Variants in AASDH observed in about 807,000 individuals in gnomAD.
AASDH encodes the protein aminoadipate-semialdehyde dehydrogenase, also known as beta-alanine-activating enzyme.
Under a neutral mutation model 102.3 loss-of-function variants are expected in AASDH, and 81 were observed. The observed-to-expected ratio is 0.79, with a 90% CI of 0.66 to 0.95. The LOEUF is 0.95. Among genes scored for constraint, AASDH ranks in the 40% least tolerant of loss-of-function variants. The pLI, the probability that AASDH is intolerant of heterozygous loss-of-function variation, is 0.00. For synonymous variants in AASDH, 398 were observed against 454.0 expected, an observed-to-expected ratio of 0.88 and a Z score of 1.57; for missense variants, 1,203 against 1,266.2, an observed-to-expected ratio of 0.95 and a Z score of 0.76.
At chr4:56,381,557 C>G (rs1752945301) in intron 3 of AASDH, among the ~76,000 whole-genome samples, 1 of 150,866 alleles carries the variant, frequency 6.6e-6, no homozygotes, top group East Asian at 1.9e-4. Context: ...TGCACTTCAG[C>G]CTGGGTAACA....
At chr4:56,341,389 C>CTTTTATTTTTTTTTT (rs1747660522) in intron 14 of AASDH, among the ~76,000 whole-genome samples, 1 of 92,416 alleles carries the variant, frequency 1.1e-5, no homozygotes, top group African/African-American at 4.3e-5. Context: ...AGACTTTTAT[C>CTTTTATTTTTTTTTT]TTTTTTTTTT....
chr4:56,361,838 GGC>G (rs1363029016), intron 5 of AASDH, among the ~76,000 whole-genome samples: 2 of 152,080 alleles, frequency 1.3e-5, no homozygotes, highest in African/African-American at 4.8e-5. Context: ...CAGGCATGAT[GGC>G]ATGCACCTGT....
chr4:56,349,655 A>T lies in AASDH; in HGVS notation c.2096T>A (p.Leu699Ter), dbSNP rs765921299. The change falls in exon 11 of 15, where the codon TTA (leucine) becomes TAA (stop). Residue 699 changes from leucine to a stop codon, truncating the protein, a stop_gained. Coordinates refer to ENST00000205214, the MANE Select transcript of AASDH (RefSeq NM_181806.4). LOFTEE classifies it high-confidence loss of function. ...SLNSTRFLTK[L>*]GHCSSACPSD... Reference sequence around the variant, plus strand: ...AGGACAGGCTGAAGAGCAATGTCCTAACTTTGTTAAAAACCTAGTGGAATT... The same window carrying T: ...AGGACAGGCTGAAGAGCAATGTCCTTACTTTGTTAAAAACCTAGTGGAATT... 6.2e-7 allele frequency: 1 copy of T among 1,614,216 alleles called. No homozygotes were observed. The highest frequency in any genetic ancestry group is 1.1e-5 in the South Asian group (1 of 91,086).
chr4:56,376,998 C>T (rs1164651825), intron 4 of AASDH, among the ~76,000 whole-genome samples: 3 of 148,332 alleles, frequency 2.0e-5, no homozygotes, highest in Non-Finnish European at 4.5e-5. Flanking sequence ...ACCCGGGAGG[C>T]GGAGCTTGCA....
At chr4:56,356,392 T>C (rs1749643596) in intron 5 of AASDH, 8 of 1,592,632 alleles carry the variant, frequency 5.0e-6, no homozygotes, top group Admixed American at 3.4e-5. Flanking sequence ...ACCCAGGCCC[T>C]GGACCGCCAA....
intron 11 of AASDH, among the ~76,000 whole-genome samples, chr4:56,346,243 G>A (rs373291190): frequency 9.0e-4 from 137 of 152,296 alleles, no homozygotes; most frequent in South Asian, 6.0e-3. Flanking sequence ...GCCTATGGCC[G>A]CTGCCACTCA....
At chr4:56,359,302 A>T (rs922649221) in intron 5 of AASDH, among the ~76,000 whole-genome samples, 3 of 151,128 alleles carry the variant, frequency 2.0e-5, no homozygotes, top group Admixed American at 1.3e-4. Context: ...GCAGTGGCGC[A>T]ATCTCGGCTC....
At position 56,384,158 on chromosome 4, in the gene AASDH, A is replaced by T; in HGVS notation, c.142T>A (p.Phe48Ile). ...VVNAASELSN[F>I]LLLHCDFQGI... ...TGAAAGTCACAGTGTAACAGCAGAA[A>T]ATTTGATAATTCAGAAGCAGCATTA... The change falls in exon 2 of 15, where the codon TTT becomes ATT. Residue 48 changes from phenylalanine (F) to isoleucine (I), a missense_variant. Transcript: ENST00000205214. 1 of 1,614,162 alleles carries T rather than the reference A, an allele frequency of 6.2e-7. No homozygotes were observed. Among genetic ancestry groups the T allele is most frequent in the East Asian group, 2.2e-5 (1 of 44,872 alleles).
Position 56,345,148 on chromosome 4 carries a change from G to A in AASDH, c.2631C>T (p.His877=), listed in dbSNP as rs140477349. The A allele has an allele frequency of 3.0e-5, 49 of 1,613,920 alleles. 1 individual carries two copies. The highest frequency in any genetic ancestry group is 1.7e-4 in the Admixed American group (10 of 59,978). Residue 877 remains histidine, a synonymous_variant, in exon 12 of 15, where the codon CAC becomes CAT. Transcript: ENST00000205214. ...GLIYIGSHDQ[H]AYALDIYRKK... Reference sequence around the variant, plus strand: ...TTACATAAATATCTAAAGCATATGCGTGCTGGTCATGAGATCCAATGTAAA... The same window carrying A: ...TTACATAAATATCTAAAGCATATGCATGCTGGTCATGAGATCCAATGTAAA...
chr4:56,354,340 A>C, intron 7 of AASDH, 129 bp from the exon 8 acceptor site: 1 of 731,964 alleles, frequency 1.4e-6, no homozygotes, highest in Non-Finnish European at 2.0e-6. Flanking sequence ...GGCTCATTTT[A>C]AAATGTTATC....
At chr4:56,373,480 A>G (rs2109978328) in intron 4 of AASDH, among the ~76,000 whole-genome samples, 1 of 152,188 alleles carries the variant, frequency 6.6e-6, no homozygotes, top group Non-Finnish European at 1.5e-5. Flanking sequence ...AGAGGGGTTC[A>G]GTTACTATGG....
At chr4:56,386,563 G>A (rs1237510188) in intron 1 of AASDH, among the ~76,000 whole-genome samples, 6 of 151,804 alleles carry the variant, frequency 4.0e-5, no homozygotes, top group African/African-American at 9.7e-5. Context: ...GGAGGCCGAG[G>A]CGGGTGGATC....
chr4:56,352,141 A>G (rs1170100057), intron 9 of AASDH, among the ~76,000 whole-genome samples: 2 of 152,126 alleles, frequency 1.3e-5, no homozygotes, highest in Non-Finnish European at 2.9e-5. Context: ...CAATAATAAA[A>G]ATAAAATTAA....
chr4:56,349,432 A>T lies in AASDH; in HGVS notation c.2319T>A (p.Val773=), dbSNP rs1270547540. The T allele has an allele frequency of 1.9e-6, 3 of 1,614,022 alleles. No homozygotes were observed. Among genetic ancestry groups the T allele is most frequent in the Non-Finnish European group, 1.7e-6 (2 of 1,180,038 alleles). The part of the protein sequence containing the change: ...TGKCVDASPL[V]VIPTFDKSST... ...ATGACTTATCAAAAGTGGGTATTAC[A>T]ACCAGCGGTGAAGCATCTACACATT... is the stretch of plus-strand genomic sequence containing the variant. Residue 773 remains valine, a synonymous_variant, in exon 11 of 15, where the codon GTT becomes GTA. Coordinates refer to ENST00000205214, the MANE Select transcript of AASDH (RefSeq NM_181806.4).
chr4:56,339,448 A>G (rs1035491906), intron 14 of AASDH, among the ~76,000 whole-genome samples: 7 of 152,276 alleles, frequency 4.6e-5, no homozygotes, highest in Middle Eastern at 3.4e-3. Context: ...TCCAGCCTTC[A>G]GTGTATCTTA....
At position 56,338,583 on chromosome 4, in the gene AASDH, G is replaced by A. The variant is rs1435782331; in HGVS notation, c.3116C>T (p.Ala1039Val). 6.2e-7 allele frequency: 1 copy of A among 1,614,198 alleles called. No individual in the cohort carries two copies. The highest frequency in any genetic ancestry group is 2.2e-5 in the East Asian group (1 of 44,878). Residue 1039 changes from alanine to valine, a missense_variant, in exon 15 of 15, where the codon GCA becomes GTA. Ala to Val is a moderately conservative substitution (Grantham distance 64, BLOSUM62 0). Coordinates refer to ENST00000205214, the MANE Select transcript of AASDH (RefSeq NM_181806.4). ...NYNGSNEMLLAAASTDGKVWI... is the reference protein window; with the variant it reads ...NYNGSNEMLLVAASTDGKVWI... ...CACTTTCCCATCAGTAGATGCTGCT[G>A]CCAGCAACATTTCATTGCTGCCATT...
At chr4:56,342,002 C>T (rs553986296) in intron 14 of AASDH, among the ~76,000 whole-genome samples, 1 of 150,492 alleles carries the variant, frequency 6.6e-6, no homozygotes, top group Admixed American at 6.7e-5. Context: ...GTCCCAGCTA[C>T]TCGGGAGGCT....
chr4:56,342,097 CA>C, intron 14 of AASDH, among the ~76,000 whole-genome samples: 1 of 109,160 alleles, frequency 9.2e-6, no homozygotes, highest in Non-Finnish European at 1.7e-5. Flanking sequence ...GGTAACAGAG[CA>C]AGATTCTGTC....
intron 11 of AASDH, 158 bp downstream of exon 11, chr4:56,349,105 C>G: frequency 3.9e-6 from 3 of 769,276 alleles, no homozygotes; most frequent in Non-Finnish European, 6.1e-6. Flanking sequence ...CTCTTGACCC[C>G]AAGGCCCACA....
Sources: gnomAD v4.1 joint callset for allele counts (sites outside exome capture counted in the v4.1 genomes callset) on GRCh38, gnomAD v4.1.1 for gene constraint, MANE v1.5 for transcripts, NCBI Gene and HGNC (gene_info 2026-07-23, HGNC 2026-07-21) for gene names.